The following NECAB3 variants were observed in gnomAD, a reference collection of about 807,000 sequenced individuals.
The protein encoded by NECAB3 is N-terminal EF-hand calcium-binding protein 3.
A neutral mutation model predicts 57.2 loss-of-function variants in NECAB3; 38 were observed. The observed-to-expected ratio is 0.66, with a 90% CI of 0.51 to 0.87. The LOEUF (loss-of-function observed/expected upper bound fraction) is 0.87. Among genes scored for constraint, NECAB3 ranks in the 40% least tolerant of loss-of-function variants. The pLI is 0.00. For missense variants in NECAB3, 474 were observed against 527.5 expected (o/e 0.90, Z 0.99); for synonymous variants, 223 against 222.6 (o/e 1.00, Z -0.02).
Position 33,659,875 on chromosome 20 carries a change from C to A in NECAB3, c.643+10G>T. ...CCTCGGCCAGGCCTCCCACCCCACC[C>A]CAGGCGCACCTGTGTCAGAAGAGCC... On this transcript the variant is annotated intron_variant, in intron 7 of 11. Coordinates refer to ENST00000246190, the MANE Select transcript of NECAB3 (RefSeq NM_031232.4). 3 of 1,542,546 alleles carry A rather than the reference C, an allele frequency of 1.9e-6. No individual in the cohort carries two copies. The highest frequency in any genetic ancestry group is 2.6e-6 in the Non-Finnish European group (3 of 1,146,910).
chr20:33,663,671 G>A (rs1489068470), intron 5 of NECAB3: 2 of 1,571,902 alleles, frequency 1.3e-6, no homozygotes, highest in Admixed American at 1.9e-5. Context: ...GGTAGCGAGC[G>A]CGAGCCGAGG....
Position 33,660,065 on chromosome 20 carries a change from G to T in NECAB3, c.525-62C>A. On this transcript the variant is annotated intron_variant, in intron 6 of 11. Coordinates refer to ENST00000246190, the MANE Select transcript of NECAB3 (RefSeq NM_031232.4). The surrounding 1 kb of genome is among the most constrained non-coding windows in gnomAD (Gnocchi z 4.1). ...GCCCCAGGACGGGATAAGCCTGGGT[G>T]GGGAAGACAAGCCTCCTGGGACTCC... 1.3e-6 allele frequency: 2 copies of T among 1,535,282 alleles called. No individual in the cohort carries two copies. Among genetic ancestry groups the T allele is most frequent in the South Asian group, 1.2e-5 (1 of 84,860 alleles).
rs1423116342 is a variant in NECAB3 at position 33,660,606 on chromosome 20, G to A, written c.388-211C>T. On this transcript the variant is annotated intron_variant, in intron 5 of 11. Transcript: ENST00000246190. The surrounding 1 kb of genome is among the most constrained non-coding windows in gnomAD (Gnocchi z 4.1). ...GACTGGCCTCCCTCCCCGGAGGTGT[G>A]AGGCCAACTCACAGGGGGCATCTGC... Among the ~76,000 whole-genome samples, 1 of 152,178 alleles carries A rather than the reference G, an allele frequency of 6.6e-6. No individual in the cohort carries two copies. Among genetic ancestry groups the A allele is most frequent in the Non-Finnish European group, 1.5e-5 (1 of 68,038 alleles).
intron 5 of NECAB3, chr20:33,666,972 A>G (rs925904904): frequency 2.0e-5 from 3 of 153,580 alleles, no homozygotes; most frequent in African/African-American, 7.2e-5. Context: ...GGCAGAGCCA[A>G]AGGCTGAAGG....
At chr20:33,663,705 G>T in intron 5 of NECAB3, 1 of 1,538,310 alleles carries the variant, frequency 6.5e-7, no homozygotes, top group Non-Finnish European at 8.6e-7. Flanking sequence ...TGCTGCTGCG[G>T]CGGCAAGAGG....
chr20:33,667,877 T>C, intron 5 of NECAB3: 2 of 1,596,900 alleles, frequency 1.3e-6, no homozygotes, highest in Non-Finnish European at 1.7e-6. Context: ...CCCGAACCCA[T>C]CTTCCAGCCG....
At chr20:33,662,431 G>A (rs1372660456) in intron 5 of NECAB3, 2 of 1,551,690 alleles carry the variant, frequency 1.3e-6, no homozygotes, top group Non-Finnish European at 1.7e-6. Flanking sequence ...AAGGCCTGGT[G>A]GAAATCGTTC....
intron 3 of NECAB3, 43 bp downstream of exon 3, chr20:33,670,641 C>A (rs1206904521): frequency 4.2e-6 from 6 of 1,443,106 alleles, no homozygotes; most frequent in Non-Finnish European, 5.8e-6. Context: ...GGGGTAAAGA[C>A]AACCTGGCCT....
Position 33,657,736 on chromosome 20 carries a change from C to T in NECAB3, c.*93G>A, listed in dbSNP as rs1293159727. The T allele has an allele frequency of 1.5e-6, 2 of 1,353,712 alleles. No individual in the cohort carries two copies. Among genetic ancestry groups the T allele is most frequent in the East Asian group, 5.1e-5 (2 of 38,872 alleles). 83.9% of individuals were successfully genotyped at this position (1,353,712 alleles called of 1,614,324 possible). On this transcript the variant is annotated 3_prime_UTR_variant, in exon 12 of 12. Transcript: ENST00000246190. Reference sequence around the variant, plus strand: ...CACCAGGCCCAAGTCCAGGAGGAGACAAGTCCTGGTCTTTGCGCTGGGCTG... The same window carrying T: ...CACCAGGCCCAAGTCCAGGAGGAGATAAGTCCTGGTCTTTGCGCTGGGCTG...
intron 5 of NECAB3, chr20:33,668,223 T>C: frequency 1.3e-6 from 2 of 1,586,554 alleles, no homozygotes; most frequent in South Asian, 1.1e-5. Flanking sequence ...TGCTGTACGA[T>C]GTGTTCAACT....
At chr20:33,663,678 G>A (rs754114109) in intron 5 of NECAB3, 1 of 1,588,536 alleles carries the variant, frequency 6.3e-7, no homozygotes, top group Non-Finnish European at 8.5e-7. Context: ...AGCGCGAGCC[G>A]AGGATGCCGG....
intron 3 of NECAB3, chr20:33,670,387 G>A (rs1012872832): frequency 2.8e-6 from 1 of 355,360 alleles, no homozygotes. Context: ...GTGGAAGCAG[G>A]CGGGGCCCAG....
chr20:33,669,505 G>A (rs1474496852), intron 4 of NECAB3, 33 bp from the exon 5 acceptor site: 5 of 1,610,484 alleles, frequency 3.1e-6, no homozygotes, highest in Non-Finnish European at 4.2e-6. Flanking sequence ...AGGGTTCCTG[G>A]ACCCCCACCC....
chr20:33,663,634 G>A lies in NECAB3; in HGVS notation c.388-3239C>T, dbSNP rs545844490. The A allele has an allele frequency of 4.8e-5, 77 of 1,607,466 alleles. No individual in the cohort carries two copies. In the East Asian group the frequency reaches 1.7e-3, roughly 34 times the overall value. On this transcript the variant is annotated intron_variant, in intron 5 of 11. Transcript: ENST00000246190. The stretch of plus-strand genomic sequence containing the variant: ...CGGCGCTGGGCTGGGCTCCCCGGCG[G>A]CACCCAGATTGCGCGGAGCGGGCGA...
Position 33,657,795 on chromosome 20 carries a change from G to A in NECAB3, c.*34C>T. The A allele has an allele frequency of 3.3e-6, 5 of 1,502,836 alleles. No individual in the cohort carries two copies. The highest frequency in any genetic ancestry group is 2.7e-6 in the Non-Finnish European group (3 of 1,121,772). The allele number at this position is 1,502,836 out of a possible 1,614,324, so 93.1% of individuals were successfully genotyped here. A position where few individuals can be genotyped will look rare whatever the true frequency, so the allele number is the denominator to read the frequency against. On this transcript the variant is annotated 3_prime_UTR_variant, in exon 12 of 12. Coordinates refer to ENST00000246190, the MANE Select transcript of NECAB3 (RefSeq NM_031232.4). ...AGAAGGCTCCAGAGGGAGGCAGGCA[G>A]GGTCCCGGGGCCCTCGGCGTGTGCA...
At chr20:33,665,033 G>A (rs916194938) in intron 5 of NECAB3, 1 of 152,424 alleles carries the variant, frequency 6.6e-6, no homozygotes, top group Admixed American at 6.5e-5. Flanking sequence ...GGGTAACCAT[G>A]TTCTTCCATG....
At position 33,658,955 on chromosome 20, in the gene NECAB3, C is replaced by A. The variant is rs189124920; in HGVS notation, c.880-121G>T. The A allele has an allele frequency of 3.2e-5, 22 of 697,298 alleles. No homozygotes were observed. In the African/African-American group the frequency reaches 3.7e-4, roughly 12 times the overall value. 43.2% of individuals were successfully genotyped at this position (697,298 alleles called of 1,614,324 possible). ...GTTTGTTTTTTAAGACAGGGTCTTG[C>A]TCTCACCCAGGCTGGAGTGCAGTGG... On this transcript the variant is annotated intron_variant, in intron 8 of 11. Coordinates refer to ENST00000246190, the MANE Select transcript of NECAB3 (RefSeq NM_031232.4).
chr20:33,658,644 C>A, intron 9 of NECAB3, 78 bp downstream of exon 9: 1 of 1,596,358 alleles, frequency 6.3e-7, no homozygotes, highest in Non-Finnish European at 8.6e-7. Context: ...CCTGACCCAC[C>A]CAGGATGGCC....
chr20:33,660,093 G>C lies in NECAB3; in HGVS notation c.525-90C>G, dbSNP rs1381853835. On this transcript the variant is annotated intron_variant, in intron 6 of 11. Coordinates refer to ENST00000246190, the MANE Select transcript of NECAB3 (RefSeq NM_031232.4). This position sits in a 1 kb window ranked among gnomAD's most constrained non-coding sequence, Gnocchi z 4.1. ...GAAGACAAGCCTCCTGGGACTCCGA[G>C]GCCTAGCCCCAAAGCCAGTCTCATT... 2 of 1,520,730 alleles carry C rather than the reference G, an allele frequency of 1.3e-6. No homozygotes were observed. The highest frequency in any genetic ancestry group is 1.2e-5 in the South Asian group (1 of 81,212). The allele number at this position is 1,520,730 out of a possible 1,614,324, so 94.2% of individuals were successfully genotyped here.
Sources: allele counts gnomAD v4.1 joint callset (sites outside exome capture counted in the v4.1 genomes callset), GRCh38; gene constraint gnomAD v4.1.1; non-coding constraint Gnocchi (gnomAD v3.1); transcripts MANE v1.5; gene names NCBI Gene and HGNC (gene_info 2026-07-23, HGNC 2026-07-21).